The following SCRIB variants were observed in gnomAD, a reference collection of about 807,000 sequenced individuals.
SCRIB encodes the protein protein scribble homolog.
SCRIB carries 72 observed loss-of-function variants against 170.0 expected under a neutral mutation model. That is an observed-to-expected ratio of 0.42 (90% CI 0.35 to 0.52). SCRIB has a LOEUF of 0.52. Ranked by LOEUF, SCRIB falls within the 20% of genes least tolerant of loss-of-function variation. SCRIB has a pLI of 0.02. For synonymous variants in SCRIB, 1,298 were observed against 1,044.3 expected, an observed-to-expected ratio of 1.24 and a Z score of -4.68; for missense variants, 2,475 against 2,338.5, an observed-to-expected ratio of 1.06 and a Z score of -1.20.
chr8:143,812,134 A>C (rs1445335953), intron 9 of SCRIB, 132 bp downstream of exon 9: 1 of 740,258 alleles, frequency 1.4e-6, no homozygotes, highest in Non-Finnish European at 2.5e-6. Flanking sequence ...CTGACAAGAG[A>C]AGAGCCCTTC....
At chr8:143,813,596 G>A in intron 4 of SCRIB, 41 bp downstream of exon 4, 2 of 1,611,902 alleles carry the variant, frequency 1.2e-6, no homozygotes, top group South Asian at 2.2e-5. Flanking sequence ...GCCAATCCTG[G>A]TCCCCCACCC....
rs145935564 is a variant in SCRIB, at chr8:143,795,452, C to A, written c.3682G>T (p.Asp1228Tyr). 1 of 1,613,212 alleles carries A rather than the reference C, an allele frequency of 6.2e-7. No individual in the cohort carries two copies. The highest frequency in any genetic ancestry group is 1.3e-5 in the African/African-American group (1 of 75,016). The change falls in exon 25 of 37, where the codon GAC (aspartate) becomes TAC (tyrosine). Residue 1228 changes from aspartate to tyrosine, a missense_variant. Around this residue, in one of 3 missense-constraint regions of SCRIB, gnomAD observed 1,966 missense variants for 1,742.9 expected, o/e 1.13. Transcript: ENST00000356994. Reference protein sequence around the residue: ...RNSLESISSIDRELSPEGPGK... With the variant: ...RNSLESISSIYRELSPEGPGK... ...GGGCCCTCAGGGCTCAGCTCCCGGT[C>A]GATGGAAGAGATGCTCTCCAGGCTG... is the stretch of plus-strand genomic sequence containing the variant.
In SCRIB at chr8:143,796,838, T is replaced by C. The variant is rs75055396; in HGVS notation, c.3604-1308A>G. On this transcript the variant is annotated intron_variant, in intron 24 of 36. Transcript: ENST00000356994. The stretch of plus-strand genomic sequence containing the variant: ...GCAGAGTGGGAAGCAAGGTCCCAGG[T>C]AGCCCGGCCTCTCATGTCAGAGAGA... 4.3e-3 allele frequency among the ~76,000 whole-genome samples: 649 copies of C among 152,242 alleles called. 3 individuals are homozygous for C. Among genetic ancestry groups the C allele is most frequent in the African/African-American group, 0.015 (623 of 41,522 alleles).
chr8:143,809,424 G>T, intron 14 of SCRIB, 127 bp downstream of exon 14: 1 of 1,097,868 alleles, frequency 9.1e-7, no homozygotes, highest in Non-Finnish European at 1.3e-6. Context: ...GTACAGGGCA[G>T]CTCCCCGAAG....
Position 143,810,586 on chromosome 8 carries a change from T to C in SCRIB, c.1423A>G (p.Thr475Ala). Reference sequence around the variant, plus strand: ...ACCTTGAGCTCGCTGGGGTGAGGTGTGGCCCGGCGCTGTAGGCCCTGTTGT... The same window carrying C: ...ACCTTGAGCTCGCTGGGGTGAGGTGCGGCCCGGCGCTGTAGGCCCTGTTGT... ...AEKRGLQRRA[T>A]PHPSELKVMK... Residue 475 changes from threonine (T) to alanine (A), a missense_variant, in exon 13 of 37, where the codon ACA (threonine) becomes GCA (alanine). Around this residue, in one of 3 missense-constraint regions of SCRIB, gnomAD observed 1,966 missense variants for 1,742.9 expected, o/e 1.13. Transcript: ENST00000356994. 1.2e-6 allele frequency: 2 copies of C among 1,613,646 alleles called. No homozygotes were observed. The highest frequency in any genetic ancestry group is 1.7e-6 in the Non-Finnish European group (2 of 1,179,944).
At chr8:143,800,028 G>GCCCCCCCCCCCCCCCCCCCCCCCCCCCC (rs139869955) in intron 24 of SCRIB, among the ~76,000 whole-genome samples, 1 of 127,088 alleles carries the variant, frequency 7.9e-6, no homozygotes, top group African/African-American at 3.0e-5. Context: ...ATGAATTGAA[G>GCCCCCCCCCCCCCCCCCCCCCCCCCCCC]CCCCCCCCCC....
At chr8:143,801,663 G>T (rs1372956758) in intron 24 of SCRIB, among the ~76,000 whole-genome samples, 1 of 152,220 alleles carries the variant, frequency 6.6e-6, no homozygotes, top group Non-Finnish European at 1.5e-5. Context: ...GGGCAGTGCT[G>T]GGGCGGACAG....
rs546574170 is a variant in SCRIB at position 143,805,977 on chromosome 8, C to T, written c.2346+430G>A. 1.1e-4 allele frequency among the ~76,000 whole-genome samples: 16 copies of T among 152,236 alleles called. No homozygotes were observed. In the South Asian group the frequency reaches 3.1e-3, roughly 30 times the overall value. On this transcript the variant is annotated intron_variant, in intron 18 of 36. Coordinates refer to ENST00000356994, the MANE Select transcript of SCRIB (RefSeq NM_182706.5). ...TCAGAGCCCCCGGATGCCCGTGCCCCGGCTGAACAGCTAGGTGTCCAGGTG... is the reference window on the plus strand; with the variant it reads ...TCAGAGCCCCCGGATGCCCGTGCCCTGGCTGAACAGCTAGGTGTCCAGGTG...
chr8:143,798,586 C>T (rs547133321), intron 24 of SCRIB, among the ~76,000 whole-genome samples: 1 of 152,284 alleles, frequency 6.6e-6, no homozygotes, highest in African/African-American at 2.4e-5. Flanking sequence ...AGGCCATGTG[C>T]CACCACACTC....
chr8:143,800,028 G>GCC (rs139869955), intron 24 of SCRIB, among the ~76,000 whole-genome samples: 124 of 127,132 alleles, frequency 9.8e-4, no homozygotes, highest in African/African-American at 3.4e-3. Context: ...ATGAATTGAA[G>GCC]CCCCCCCCCC....
rs782038068 is a variant in SCRIB at position 143,806,999 on chromosome 8, G to A, written c.2193C>T (p.Ile731=). The change falls in exon 17 of 37, where the codon ATC becomes ATT. Residue 731 remains isoleucine, a synonymous_variant. Coordinates refer to ENST00000356994, the MANE Select transcript of SCRIB (RefSeq NM_182706.5). ...TGCCCAGGCCCCCAGTCTGCCGCAG[G>A]ATAGTGAGGGTCAGCTGGAAACAGA... ...RIEEEELTLT[I]LRQTGGLGIS... is the part of the protein sequence containing the mutation. The A allele has an allele frequency of 5.6e-6, 9 of 1,612,558 alleles. No individual in the cohort carries two copies. The highest frequency in any genetic ancestry group is 1.1e-5 in the South Asian group (1 of 90,666).
intron 28 of SCRIB, 194 bp downstream of exon 28, chr8:143,793,706 C>T: frequency 1.8e-6 from 1 of 543,190 alleles, no homozygotes; most frequent in East Asian, 3.0e-5. Flanking sequence ...CATCGCCAGG[C>T]AGCTCTGGCC....
intron 14 of SCRIB, 52 bp downstream of exon 14, chr8:143,809,499 C>T (rs1815604110): frequency 1.3e-6 from 2 of 1,566,462 alleles, no homozygotes; most frequent in Non-Finnish European, 8.7e-7. Flanking sequence ...GCAGGGGAGG[C>T]AGCCCCCACC....
chr8:143,813,669 C>T lies in SCRIB; in HGVS notation c.414G>A (p.Val138=). The stretch of plus-strand genomic sequence containing the variant: ...CGTCCCCGGGCAGTGCCTGCAGAGA[C>T]ACATCATTCAGGGCCAGGTGAGCCA... The part of the protein sequence containing the change: ...RSLAHLALND[V]SLQALPGDVG... Residue 138 remains valine, a synonymous_variant, in exon 4 of 37, where the codon GTG becomes GTA. Transcript: ENST00000356994. The T allele has an allele frequency of 6.2e-7, 1 of 1,613,578 alleles. No homozygotes were observed. Among genetic ancestry groups the T allele is most frequent in the South Asian group, 1.1e-5 (1 of 91,082 alleles).
rs1401970638 is a variant in SCRIB, at chr8:143,799,448, G to A, written c.3604-3918C>T. On this transcript the variant is annotated intron_variant, in intron 24 of 36. Transcript: ENST00000356994. ...AGCGTGACCAGGAGGAAGAGGATGC[G>A]GACAGCAGGGCCGAGGGGGAGGTGG... 4.6e-5 allele frequency among the ~76,000 whole-genome samples: 7 copies of A among 152,342 alleles called. No homozygotes were observed. The South Asian group carries it at 8.3e-4, about 18-fold the overall frequency.
intron 24 of SCRIB, among the ~76,000 whole-genome samples, chr8:143,796,365 G>A (rs112588435): frequency 5.3e-5 from 8 of 152,284 alleles, no homozygotes; most frequent in African/African-American, 9.6e-5. Context: ...CTGCAAAATC[G>A]AGGAGCTCTC....
rs370800687 is a variant in SCRIB, at chr8:143,813,451, G to A, written c.503+19C>T. 17 of 1,613,252 alleles carry A rather than the reference G, an allele frequency of 1.1e-5. No homozygotes were observed. The highest frequency in any genetic ancestry group is 1.4e-5 in the Non-Finnish European group (17 of 1,179,960). ...TGTGGCCCTGCCCTGGCTGTTAGGA[G>A]AATGCCTGTCACACTCACGCTGGCA... is the stretch of plus-strand genomic sequence containing the variant. On this transcript the variant is annotated intron_variant, in intron 5 of 36. Transcript: ENST00000356994.
intron 16 of SCRIB, 86 bp downstream of exon 16, chr8:143,807,466 A>G: frequency 1.8e-6 from 2 of 1,090,280 alleles, no homozygotes; most frequent in Non-Finnish European, 1.4e-6. Flanking sequence ...CGCTCAAGCA[A>G]CAGGGGCGGG....
In SCRIB at chr8:143,804,734, C is replaced by T. The variant is rs782685135; in HGVS notation, c.2843G>A (p.Arg948Gln). ...GGGAGGAAGAGGGCCCCCAGCCTCC[C>T]GCTCCAACAGCAGGGCGATGGTGGG... Reference protein sequence around the residue: ...ASPTIALLLEREAGGPLPPSP... With the variant: ...ASPTIALLLEQEAGGPLPPSP... The change falls in exon 21 of 37, where the codon CGG becomes CAG. Residue 948 changes from arginine to glutamine, a missense_variant. Physicochemically the swap from Arg to Gln is conservative, Grantham distance 43. Around this residue, in one of 3 missense-constraint regions of SCRIB, gnomAD observed 1,966 missense variants for 1,742.9 expected, o/e 1.13. Transcript: ENST00000356994. 7.5e-6 allele frequency: 12 copies of T among 1,596,908 alleles called. No homozygotes were observed. Among genetic ancestry groups the T allele is most frequent in the African/African-American group, 1.3e-5 (1 of 74,706 alleles).
Sources: allele counts gnomAD v4.1 joint callset (sites outside exome capture counted in the v4.1 genomes callset), GRCh38; gene constraint gnomAD v4.1.1; regional missense constraint gnomAD v4.1.1; transcripts MANE v1.5; gene names NCBI Gene and HGNC (gene_info 2026-07-23, HGNC 2026-07-21).